The following HHAT variants were observed in gnomAD, a reference collection of about 807,000 sequenced individuals.
HHAT encodes the protein protein-cysteine N-palmitoyltransferase HHAT.
Under a neutral mutation model 70.8 loss-of-function variants are expected in HHAT, and 47 were observed. That is an observed-to-expected ratio of 0.66 (90% CI 0.53 to 0.85). HHAT has a LOEUF of 0.85. Among genes scored for constraint, HHAT ranks in the 40% least tolerant of loss-of-function variants. The probability of loss-of-function intolerance (pLI) is 0.00; values close to 1 mark genes in which losing one functional copy is unlikely to be tolerated. For missense variants in HHAT, 609 were observed against 604.8 expected (o/e 1.01, Z -0.07); for synonymous variants, 228 against 247.6 (o/e 0.92, Z 0.74).
At chr1:210,565,344 G>GT in intron 9 of HHAT, among the ~76,000 whole-genome samples, 1 of 152,334 alleles carries the variant, frequency 6.6e-6, no homozygotes, top group Non-Finnish European at 1.5e-5. Flanking sequence ...GGCATCCTCA[G>GT]TATTAGGTTG....
At chr1:210,600,110 T>C (rs750847475) in intron 10 of HHAT, among the ~76,000 whole-genome samples, 3 of 152,166 alleles carry the variant, frequency 2.0e-5, no homozygotes, top group Non-Finnish European at 4.4e-5. Flanking sequence ...TCCCATTTGA[T>C]AATTTATTTT....
chr1:210,450,801 C>T (rs1401652435), intron 7 of HHAT, among the ~76,000 whole-genome samples: 1 of 151,978 alleles, frequency 6.6e-6, no homozygotes, highest in African/African-American at 2.4e-5. Context: ...CGTTTTTTCT[C>T]TTCTACTTCC....
intron 8 of HHAT, among the ~76,000 whole-genome samples, chr1:210,479,582 A>C (rs1045441161): frequency 6.6e-6 from 1 of 152,176 alleles, no homozygotes; most frequent in African/African-American, 2.4e-5. Context: ...GACCTGAGAC[A>C]ACACCATGTC....
At chr1:210,597,380 G>C (rs1305644002) in intron 10 of HHAT, among the ~76,000 whole-genome samples, 7 of 152,166 alleles carry the variant, frequency 4.6e-5, no homozygotes, top group African/African-American at 7.2e-5. Flanking sequence ...ATCAGCAGGT[G>C]GCAAAGGCAG....
At chr1:210,648,481 T>C (rs116364172) in intron 11 of HHAT, among the ~76,000 whole-genome samples, 168 of 152,352 alleles carry the variant, frequency 1.1e-3, no homozygotes, top group African/African-American at 3.9e-3. Flanking sequence ...GACAAGGTTC[T>C]TTCCGTCTTT....
chr1:210,337,193 T>G (rs2085581130), intron 1 of HHAT, among the ~76,000 whole-genome samples: 1 of 152,228 alleles, frequency 6.6e-6, no homozygotes, highest in Non-Finnish European at 1.5e-5. Context: ...AGATTTAATT[T>G]TCTTCCAATT....
intron 6 of HHAT, among the ~76,000 whole-genome samples, chr1:210,412,691 CATG>C (rs2092599212): frequency 6.6e-6 from 1 of 152,198 alleles, no homozygotes; most frequent in Admixed American, 6.5e-5. Context: ...CCTCTGGACA[CATG>C]GTGGTGGGGA....
intron 2 of HHAT, among the ~76,000 whole-genome samples, chr1:210,352,361 A>G (rs1326106805): frequency 6.6e-6 from 1 of 152,180 alleles, no homozygotes; most frequent in Non-Finnish European, 1.5e-5. Context: ...ATGCCTAAGT[A>G]TGTTCAACTG....
At chr1:210,390,488 CTAT>C (rs1299644943) in intron 4 of HHAT, among the ~76,000 whole-genome samples, 3 of 126,124 alleles carry the variant, frequency 2.4e-5, no homozygotes, top group Non-Finnish European at 3.4e-5. Flanking sequence ...AAAGATAGGT[CTAT>C]TATTGTAGGG....
intron 2 of HHAT, among the ~76,000 whole-genome samples, chr1:210,359,950 C>T (rs1445762998): frequency 1.3e-5 from 2 of 152,218 alleles, no homozygotes; most frequent in African/African-American, 4.8e-5. Flanking sequence ...ATTTAGGCAG[C>T]TCTGTGTGAA....
At chr1:210,367,414 G>T (rs1472851839) in intron 3 of HHAT, among the ~76,000 whole-genome samples, 1 of 152,132 alleles carries the variant, frequency 6.6e-6, no homozygotes, top group African/African-American at 2.4e-5. Flanking sequence ...AGGTAAGTGG[G>T]CTAAGTGGGA....
chr1:210,377,008 G>T (rs1572009242), intron 3 of HHAT, among the ~76,000 whole-genome samples: 1 of 152,226 alleles, frequency 6.6e-6, no homozygotes, highest in East Asian at 1.9e-4. Flanking sequence ...CCACTGCAGA[G>T]ATGTTCTGTA....
intron 6 of HHAT, among the ~76,000 whole-genome samples, chr1:210,412,350 C>T (rs953320899): frequency 1.3e-5 from 2 of 152,120 alleles, no homozygotes; most frequent in African/African-American, 4.8e-5. Flanking sequence ...TAACTTGTTC[C>T]AGCACCAACT....
chr1:210,400,953 GA>G (rs2092040310), intron 5 of HHAT, among the ~76,000 whole-genome samples: 1 of 152,212 alleles, frequency 6.6e-6, no homozygotes, highest in South Asian at 2.1e-4. Context: ...AGAGGGTCAG[GA>G]ACAAAGAGAG....
chr1:210,599,988 A>G (rs1663878933), intron 10 of HHAT, among the ~76,000 whole-genome samples: 2 of 151,834 alleles, frequency 1.3e-5, no homozygotes, highest in Admixed American at 6.6e-5. Context: ...AGGTACTTCC[A>G]TCTCCTAGGA....
intron 7 of HHAT, among the ~76,000 whole-genome samples, chr1:210,427,025 T>C (rs547181507): frequency 6.6e-6 from 1 of 152,306 alleles, no homozygotes; most frequent in Non-Finnish European, 1.5e-5. Context: ...AGCTTCTTAT[T>C]GGTCTGTTCA....
chr1:210,570,962 A>T (rs1018604386), intron 9 of HHAT, among the ~76,000 whole-genome samples: 2 of 152,218 alleles, frequency 1.3e-5, no homozygotes, highest in Admixed American at 1.3e-4. Flanking sequence ...GCTTTGCAGC[A>T]TGGACAGTCA....
At chr1:210,378,989 A>C (rs12087492) in intron 3 of HHAT, among the ~76,000 whole-genome samples, 4,365 of 152,332 alleles carry the variant, frequency 0.029, 223 homozygotes, top group African/African-American at 0.1. Context: ...GTTATTTTAA[A>C]AAGAGAATTA....
At chr1:210,574,480 A>G (rs187755887) in intron 9 of HHAT, among the ~76,000 whole-genome samples, 80 of 152,368 alleles carry the variant, frequency 5.3e-4, no homozygotes, top group Non-Finnish European at 7.5e-4. Context: ...AATCCACTGC[A>G]AGTGGGACCC....
Sources: gnomAD v4.1 joint callset for allele counts (sites outside exome capture counted in the v4.1 genomes callset) on GRCh38, gnomAD v4.1.1 for gene constraint, MANE v1.5 for transcripts, NCBI Gene and HGNC (gene_info 2026-07-23, HGNC 2026-07-21) for gene names.